ATG4B: variants seen among roughly 807,000 people sequenced by gnomAD.
ATG4B encodes the protein autophagy related 4B cysteine peptidase, also known as cysteine protease ATG4B.
In ATG4B, 29 loss-of-function variants were observed where a neutral mutation model predicts 56.6. The observed-to-expected ratio is 0.51, with a 90% CI of 0.38 to 0.70. The LOEUF (loss-of-function observed/expected upper bound fraction) is 0.70, where lower values mean the gene tolerates loss of function less well. Among genes scored for constraint, ATG4B ranks in the 30% least tolerant of loss-of-function variants. ATG4B has a pLI of 0.00. For missense variants in ATG4B, 461 were observed against 515.5 expected (o/e 0.89, Z 1.02); for synonymous variants, 224 against 206.1 (o/e 1.09, Z -0.74).
At chr2:241,642,166 G>C (rs879268734) in intron 1 of ATG4B, among the ~76,000 whole-genome samples, 9 of 151,262 alleles carry the variant, frequency 5.9e-5, no homozygotes, top group Non-Finnish European at 1.3e-4. Flanking sequence ...GCTGGGGAGT[G>C]GTTTTTTTTT....
At chr2:241,646,777 A>G (rs990709045) in intron 1 of ATG4B, among the ~76,000 whole-genome samples, 2 of 131,088 alleles carry the variant, frequency 1.5e-5, no homozygotes, top group Non-Finnish European at 3.1e-5. Context: ...ACGTGTATTC[A>G]ATGCTTTTTT....
chr2:241,670,842 G>A (rs1485865481), intron 11 of ATG4B, 60 bp downstream of exon 11: 32 of 1,523,692 alleles, frequency 2.1e-5, no homozygotes, highest in Non-Finnish European at 2.6e-5. Context: ...AGGCAGTGGG[G>A]CGTGCAGGGG....
chr2:241,671,623 G>A, intron 12 of ATG4B: 2 of 1,485,554 alleles, frequency 1.3e-6, no homozygotes, highest in Non-Finnish European at 1.8e-6. Flanking sequence ...TTCCCCACCA[G>A]CGCTGCCTGC....
At chr2:241,666,886 C>A in intron 8 of ATG4B, 48 bp downstream of exon 8, 1 of 1,521,942 alleles carries the variant, frequency 6.6e-7, no homozygotes, top group Admixed American at 2.0e-5. Flanking sequence ...TCCCCTTCTC[C>A]CAGTTCTTAG....
chr2:241,639,569 A>C (rs1293683996), intron 1 of ATG4B, among the ~76,000 whole-genome samples: 1 of 152,168 alleles, frequency 6.6e-6, no homozygotes, highest in Non-Finnish European at 1.5e-5. Flanking sequence ...ATGAGACTAC[A>C]CTTAACACTG....
At chr2:241,644,157 C>G (rs2067994419) in intron 1 of ATG4B, among the ~76,000 whole-genome samples, 1 of 151,404 alleles carries the variant, frequency 6.6e-6, no homozygotes, top group Non-Finnish European at 1.5e-5. Context: ...GACCAGCCTG[C>G]TTAACATAGG....
Position 241,668,015 on chromosome 2 carries a change from G to A in ATG4B, c.733-128G>A. The A allele has an allele frequency of 1.3e-6, 1 of 797,172 alleles. No homozygotes were observed. Among genetic ancestry groups the A allele is most frequent in the Non-Finnish European group, 2.0e-6 (1 of 506,372 alleles). The allele number at this position is 797,172 out of a possible 1,614,324, so 49.4% of individuals were successfully genotyped here. ...TGGACAGTAAGCTCTTTGGTACCAT[G>A]TCCCCTCCTGTCCCCTCTTGTGTCA... On this transcript the variant is annotated intron_variant, in intron 8 of 12. Transcript: ENST00000404914. The surrounding 1 kb of genome is among the most constrained non-coding windows in gnomAD (Gnocchi z 4.2).
chr2:241,670,535 G>C (rs979935455), intron 10 of ATG4B, 191 bp from the exon 11 acceptor site: 1 of 629,894 alleles, frequency 1.6e-6, no homozygotes, highest in Non-Finnish European at 2.9e-6. Context: ...CCGGGCACTG[G>C]TGCAGGGGAC....
At chr2:241,649,984 A>T (rs1462828621) in intron 1 of ATG4B, among the ~76,000 whole-genome samples, 1 of 151,908 alleles carries the variant, frequency 6.6e-6, no homozygotes, top group African/African-American at 2.4e-5. Flanking sequence ...GAGTTTCACC[A>T]TGTTGACCAG....
Position 241,671,574 on chromosome 2 carries a change from C to T in ATG4B, c.1108+169C>T, listed in dbSNP as rs1159062407. 2.6e-6 allele frequency: 4 copies of T among 1,524,780 alleles called. No homozygotes were observed. In the East Asian group the frequency reaches 9.9e-5, roughly 38 times the overall value. The allele number at this position is 1,524,780 out of a possible 1,614,324, so 94.5% of individuals were successfully genotyped here. On this transcript the variant is annotated intron_variant, in intron 12 of 12. Coordinates refer to ENST00000404914, the MANE Select transcript of ATG4B (RefSeq NM_013325.5). ...CAGGTATGGAGTGGAGCGTCCCCTC[C>T]TCCAAGCTTGCGCCCAGCAGCCCAG...
At chr2:241,671,435 C>A (rs1219854731) in intron 12 of ATG4B, 30 bp downstream of exon 12, 1 of 1,610,212 alleles carries the variant, frequency 6.2e-7, no homozygotes, top group African/African-American at 1.3e-5. Context: ...GGTGGGGTCC[C>A]TCGGAGGTAC....
chr2:241,654,441 A>C, intron 4 of ATG4B, 105 bp from the exon 5 acceptor site: 1 of 679,936 alleles, frequency 1.5e-6, no homozygotes, highest in Non-Finnish European at 2.4e-6. Context: ...AAAAAAAAAA[A>C]AGATTCTGAA....
Position 241,651,326 on chromosome 2 carries a change from C to A in ATG4B, c.175C>A (p.Pro59Thr), listed in dbSNP as rs761507446. The change falls in exon 3 of 13, where the codon CCA becomes ACA. Residue 59 changes from proline to threonine, a missense_variant. Pro to Thr is a conservative substitution (Grantham distance 38). Transcript: ENST00000404914. The surrounding 1 kb of genome is among the most constrained non-coding windows in gnomAD (Gnocchi z 4.1). ...RLWFTYRKNF[P>T]AIGGTGPTSD... ...TTGGTTTACATACAGGAAAAACTTTCCAGCCATTGGTAAGTACTCTGTTTT... is the reference window on the plus strand; with the variant it reads ...TTGGTTTACATACAGGAAAAACTTTACAGCCATTGGTAAGTACTCTGTTTT... 3.1e-6 allele frequency: 5 copies of A among 1,596,504 alleles called. No individual in the cohort carries two copies. In the South Asian group the frequency reaches 4.5e-5, roughly 14 times the overall value.
At chr2:241,670,163 C>T (rs1188668463) in intron 10 of ATG4B, among the ~76,000 whole-genome samples, 2 of 152,206 alleles carry the variant, frequency 1.3e-5, no homozygotes, top group African/African-American at 4.8e-5. Flanking sequence ...TTAACATCTG[C>T]GCATCTGGCA....
rs745588462 is a variant in ATG4B at position 241,670,708 on chromosome 2, A to T, written c.958-18A>T. Reference sequence around the variant, plus strand: ...CAGATGGGGGTGTCGTGTTCTGCTCATCGTCATTTCGTTTTAGGGGTTTTT... The same window carrying T: ...CAGATGGGGGTGTCGTGTTCTGCTCTTCGTCATTTCGTTTTAGGGGTTTTT... On this transcript the variant is annotated intron_variant, in intron 10 of 12. Transcript: ENST00000404914. The T allele has an allele frequency of 6.2e-7, 1 of 1,603,766 alleles. No individual in the cohort carries two copies. The highest frequency in any genetic ancestry group is 2.2e-5 in the East Asian group (1 of 44,560).
At position 241,668,126 on chromosome 2, in the gene ATG4B, C is replaced by A. The variant is rs370257435; in HGVS notation, c.733-17C>A. On this transcript the variant is annotated splice_polypyrimidine_tract_variant and intron_variant, in intron 8 of 12. Coordinates refer to ENST00000404914, the MANE Select transcript of ATG4B (RefSeq NM_013325.5). This position sits in a 1 kb window ranked among gnomAD's most constrained non-coding sequence, Gnocchi z 4.2. ...CTCCCACCTGGGACCTGTGCTCAGT[C>A]CCCCGCCCCTCCACAGCACTGCTTC... 5.7e-6 allele frequency: 9 copies of A among 1,578,880 alleles called. No homozygotes were observed. In the African/African-American group the frequency reaches 8.1e-5, roughly 14 times the overall value.
chr2:241,673,252 T>C lies in ATG4B; in HGVS notation c.*988T>C, dbSNP rs186365125. Reference sequence around the variant, plus strand: ...ACAGGGTGGCATCACCTGGTGGCATTTCCAGAACCTCAGCCCCGATTCCAG... The same window carrying C: ...ACAGGGTGGCATCACCTGGTGGCATCTCCAGAACCTCAGCCCCGATTCCAG... On this transcript the variant is annotated 3_prime_UTR_variant, in exon 13 of 13. Coordinates refer to ENST00000404914, the MANE Select transcript of ATG4B (RefSeq NM_013325.5). The C allele has an allele frequency of 6.3e-6, 2 of 318,848 alleles. No homozygotes were observed. The highest frequency in any genetic ancestry group is 1.3e-5 in the Non-Finnish European group (2 of 159,128). The allele number at this position is 318,848 out of a possible 1,614,324, so 19.8% of individuals were successfully genotyped here.
chr2:241,648,156 C>G (rs985953020), intron 1 of ATG4B, among the ~76,000 whole-genome samples: 10 of 152,128 alleles, frequency 6.6e-5, no homozygotes, highest in Admixed American at 5.9e-4. Flanking sequence ...CATCCTAATT[C>G]AGTTTTTGTA....
chr2:241,672,321 G>A lies in ATG4B; in HGVS notation c.*57G>A, dbSNP rs1020732077. ...AGCCTGGGGCTCCTGGTGCCGCTGC[G>A]TTTCATCCATCCCGCCCGCTCGCCT... On this transcript the variant is annotated 3_prime_UTR_variant, in exon 13 of 13. Coordinates refer to ENST00000404914, the MANE Select transcript of ATG4B (RefSeq NM_013325.5). The A allele has an allele frequency of 3.1e-5, 45 of 1,454,918 alleles. No individual in the cohort carries two copies. Among genetic ancestry groups the A allele is most frequent in the Admixed American group, 1.6e-4 (8 of 50,790 alleles). The allele number at this position is 1,454,918 out of a possible 1,614,324, so 90.1% of individuals were successfully genotyped here. A position where few individuals can be genotyped will look rare whatever the true frequency, so the allele number is the denominator to read the frequency against.
Sources: gnomAD v4.1 joint callset for allele counts (sites outside exome capture counted in the v4.1 genomes callset) on GRCh38, gnomAD v4.1.1 for gene constraint, Gnocchi (gnomAD v3.1) non-coding constraint, MANE v1.5 for transcripts, NCBI Gene and HGNC (gene_info 2026-07-23, HGNC 2026-07-21) for gene names.